Variants in GAS2 observed in about 807,000 individuals in gnomAD.
GAS2 encodes the protein growth arrest specific 2, also known as growth arrest-specific protein 2.
A neutral mutation model predicts 37.5 loss-of-function variants in GAS2; 20 were observed. That is an observed-to-expected ratio of 0.53 (90% CI 0.37 to 0.77). The LOEUF (loss-of-function observed/expected upper bound fraction) is 0.77, where lower values mean the gene tolerates loss of function less well. Among genes scored for constraint, GAS2 ranks in the 30% least tolerant of loss-of-function variants. The probability of loss-of-function intolerance (pLI) is 0.00; values close to 1 mark genes in which losing one functional copy is unlikely to be tolerated. For missense variants in GAS2, 336 were observed against 373.4 expected (o/e 0.90, Z 0.82); for synonymous variants, 144 against 132.2 (o/e 1.09, Z -0.61).
intron 4 of GAS2, among the ~76,000 whole-genome samples, chr11:22,732,112 C>T (rs1852507408): frequency 6.6e-6 from 1 of 151,656 alleles, no homozygotes; most frequent in African/African-American, 2.4e-5. Flanking sequence ...CATGCCCCAT[C>T]TGTTATAGAA....
intron 7 of GAS2, among the ~76,000 whole-genome samples, chr11:22,800,337 C>T (rs554264322): frequency 7.9e-5 from 12 of 152,084 alleles, no homozygotes; most frequent in African/African-American, 2.9e-4. Flanking sequence ...CTACTACTTT[C>T]CCAGGATCTT....
chr11:22,737,636 G>A, intron 4 of GAS2, 69 bp from the exon 5 acceptor site: 3 of 1,433,978 alleles, frequency 2.1e-6, no homozygotes, highest in Non-Finnish European at 3.0e-6. Context: ...AGGGTCATTG[G>A]CAAGCCTGTG....
intron 3 of GAS2, among the ~76,000 whole-genome samples, chr11:22,717,368 A>G (rs1320531299): frequency 6.6e-6 from 1 of 152,194 alleles, no homozygotes; most frequent in African/African-American, 2.4e-5. Context: ...CTGATCTTCA[A>G]CAAAGCATAC....
chr11:22,737,794 C>G, intron 5 of GAS2, 26 bp downstream of exon 5: 2 of 1,606,298 alleles, frequency 1.2e-6, no homozygotes, highest in Non-Finnish European at 1.7e-6. Flanking sequence ...GCAACTATGT[C>G]AAGACATTGA....
At chr11:22,648,858 A>G (rs1355813941) in intron 1 of GAS2, among the ~76,000 whole-genome samples, 5 of 152,158 alleles carry the variant, frequency 3.3e-5, no homozygotes, top group Admixed American at 6.5e-5. Flanking sequence ...CATGTCGTCT[A>G]CAAACAGGGA....
intron 7 of GAS2, among the ~76,000 whole-genome samples, chr11:22,793,485 G>A (rs10833817): frequency 0.37 from 55,753 of 151,940 alleles, 11,395 homozygotes; most frequent in East Asian, 0.73. Context: ...CACAGAGTTA[G>A]AGAAAGAAGA....
At chr11:22,631,944 G>A (rs1399156632) in intron 1 of GAS2, among the ~76,000 whole-genome samples, 2 of 122,600 alleles carry the variant, frequency 1.6e-5, no homozygotes, top group Admixed American at 9.3e-5. Context: ...TCTGGCCCTG[G>A]ACTTTTTTTT....
At chr11:22,718,199 C>T (rs535242721) in intron 3 of GAS2, among the ~76,000 whole-genome samples, 114 of 151,474 alleles carry the variant, frequency 7.5e-4, no homozygotes, top group African/African-American at 2.5e-3. Flanking sequence ...TTTGCAATTG[C>T]GAAAATATGG....
intron 3 of GAS2, among the ~76,000 whole-genome samples, chr11:22,699,917 G>T (rs888632202): frequency 2.6e-5 from 4 of 152,078 alleles, no homozygotes; most frequent in African/African-American, 4.8e-5. Context: ...TACCTTGATT[G>T]CTCAGTCTGA....
chr11:22,721,531 C>G (rs963661872), intron 3 of GAS2, among the ~76,000 whole-genome samples: 1 of 151,914 alleles, frequency 6.6e-6, no homozygotes, highest in African/African-American at 2.4e-5. Flanking sequence ...AGTCAAACAC[C>G]ACACTTTATA....
At chr11:22,804,898 T>G (rs1856817864) in intron 7 of GAS2, among the ~76,000 whole-genome samples, 1 of 152,130 alleles carries the variant, frequency 6.6e-6, no homozygotes, top group Non-Finnish European at 1.5e-5. Flanking sequence ...GTCACTAATC[T>G]GTGAGATGGA....
At chr11:22,802,252 GAACAA>G (rs1263092134) in intron 7 of GAS2, among the ~76,000 whole-genome samples, 1 of 151,822 alleles carries the variant, frequency 6.6e-6, no homozygotes, top group Non-Finnish European at 1.5e-5. Flanking sequence ...GGTGGGAATT[GAACAA>G]TGAGAACGCT....
At chr11:22,798,346 C>A (rs1378738130) in intron 7 of GAS2, among the ~76,000 whole-genome samples, 4 of 151,890 alleles carry the variant, frequency 2.6e-5, no homozygotes, top group Non-Finnish European at 5.9e-5. Context: ...TGTGTTTGAA[C>A]AACTATGGGA....
rs1858892926 is a variant in GAS2 at position 22,640,236 on chromosome 11, G to C, written c.-21+14423G>C. 3.3e-5 allele frequency among the ~76,000 whole-genome samples: 5 copies of C among 152,058 alleles called. No homozygotes were observed. In the South Asian group the frequency reaches 1.0e-3, roughly 32 times the overall value. ...AGTTGCAGTGGGTGTGGCTTTAAGT[G>C]GCCTTAAAGCCAGCAGCAGAAAGAC... On this transcript the variant is annotated intron_variant, in intron 1 of 5. Transcript: ENST00000528582.
intron 3 of GAS2, among the ~76,000 whole-genome samples, chr11:22,717,211 A>G (rs1272198456): frequency 1.3e-5 from 2 of 152,206 alleles, no homozygotes; most frequent in African/African-American, 4.8e-5. Context: ...AGCAAAAAGA[A>G]CAAATCCGAT....
At chr11:22,750,715 T>G (rs906238661) in intron 6 of GAS2, among the ~76,000 whole-genome samples, 1 of 152,072 alleles carries the variant, frequency 6.6e-6, no homozygotes, top group Non-Finnish European at 1.5e-5. Context: ...ACATTTTTTC[T>G]TCTGTGTCAA....
intron 1 of GAS2, among the ~76,000 whole-genome samples, chr11:22,635,924 G>GTATA (rs1858815348): frequency 6.6e-6 from 1 of 152,152 alleles, no homozygotes; most frequent in Non-Finnish European, 1.5e-5. Flanking sequence ...CCCAATGGGA[G>GTATA]TATATATCAT....
chr11:22,633,258 G>C (rs1053712820), intron 1 of GAS2, among the ~76,000 whole-genome samples: 6 of 151,922 alleles, frequency 3.9e-5, no homozygotes, highest in African/African-American at 1.5e-4. Flanking sequence ...CCCTCTTGAG[G>C]ATATGACTGT....
chr11:22,715,719 CA>C (rs1453022953), intron 3 of GAS2, among the ~76,000 whole-genome samples: 2 of 151,450 alleles, frequency 1.3e-5, no homozygotes, highest in African/African-American at 2.4e-5. Flanking sequence ...AAAATGCCAA[CA>C]AAAAAAGTTC....
Sources: allele counts gnomAD v4.1 joint callset (sites outside exome capture counted in the v4.1 genomes callset), GRCh38; gene constraint gnomAD v4.1.1; transcripts MANE v1.5; gene names NCBI Gene and HGNC (gene_info 2026-07-23, HGNC 2026-07-21).